NRG1: variants seen among roughly 807,000 people sequenced by gnomAD.
NRG1 encodes the protein pro-neuregulin-1, membrane-bound isoform.
NRG1 carries 18 observed loss-of-function variants against 63.8 expected under a neutral mutation model. The ratio of observed to expected loss-of-function variants is 0.28; its 90% CI spans 0.19 to 0.42. NRG1 has a LOEUF of 0.42. NRG1 is among the 10% of genes least tolerant of loss of function. The probability of loss-of-function intolerance (pLI) is 1.00; values close to 1 mark genes in which losing one functional copy is unlikely to be tolerated. For synonymous variants in NRG1, 302 were observed against 301.3 expected, an observed-to-expected ratio of 1.00 and a Z score of -0.02; for missense variants, 762 against 814.7, an observed-to-expected ratio of 0.94 and a Z score of 0.79.
chr8:32,175,474 T>G (rs1485867762), intron 1 of NRG1, among the ~76,000 whole-genome samples: 2 of 152,118 alleles, frequency 1.3e-5, no homozygotes, highest in Non-Finnish European at 2.9e-5. Flanking sequence ...GTTGGAAGTT[T>G]TGGCCAGGGC....
chr8:31,784,322 T>C (rs1454505638), intron 1 of NRG1, among the ~76,000 whole-genome samples: 1 of 152,230 alleles, frequency 6.6e-6, no homozygotes, highest in Non-Finnish European at 1.5e-5. Context: ...AACTTATTCA[T>C]ATGAGCTAAG....
chr8:31,974,197 G>A (rs780587050), intron 1 of NRG1, among the ~76,000 whole-genome samples: 15 of 152,058 alleles, frequency 9.9e-5, no homozygotes, highest in Non-Finnish European at 2.1e-4. Flanking sequence ...ACAGGGACTC[G>A]CTGTGTCACC....
intron 2 of NRG1, among the ~76,000 whole-genome samples, chr8:32,597,323 A>G (rs887190888): frequency 6.6e-6 from 1 of 152,190 alleles, no homozygotes; most frequent in African/African-American, 2.4e-5. Flanking sequence ...ATTTAATCTT[A>G]TCAAAGATTT....
At chr8:32,387,580 A>G (rs992000665) in intron 1 of NRG1, among the ~76,000 whole-genome samples, 9 of 152,154 alleles carry the variant, frequency 5.9e-5, no homozygotes, top group African/African-American at 2.2e-4. Context: ...CTTTTTAGGA[A>G]ACACCTCCCA....
chr8:31,747,665 T>C (rs915858655), intron 1 of NRG1, among the ~76,000 whole-genome samples: 2 of 151,982 alleles, frequency 1.3e-5, no homozygotes, highest in Non-Finnish European at 2.9e-5. Context: ...CACTTTGTTT[T>C]GGTGACCTTG....
At chr8:31,989,028 C>T (rs1388526076) in intron 1 of NRG1, among the ~76,000 whole-genome samples, 9 of 151,750 alleles carry the variant, frequency 5.9e-5, no homozygotes, top group African/African-American at 1.2e-4. Flanking sequence ...GTGGGCAGGT[C>T]GCCTGATGTC....
chr8:32,468,783 A>C (rs1315747990), intron 1 of NRG1, among the ~76,000 whole-genome samples: 1 of 150,814 alleles, frequency 6.6e-6, no homozygotes, highest in Non-Finnish European at 1.5e-5. Context: ...TGGGAGAGGG[A>C]CTACTAATGT....
intron 5 of NRG1, among the ~76,000 whole-genome samples, chr8:32,630,828 C>G (rs1401060036): frequency 6.6e-6 from 1 of 150,982 alleles, no homozygotes. Context: ...TTCCAACTGA[C>G]TGACGATAAT....
In NRG1 at chr8:31,989,253, C is replaced by CAAA. The variant is rs10692906; in HGVS notation, c.37+349840_37+349842dup. Reference sequence around the variant, plus strand: ...CCTGGGTGAGAGAGAGACTCTGTCTCAAAAAAAAAAAAAAAAAAAAGAACA... The same window carrying CAAA: ...CCTGGGTGAGAGAGAGACTCTGTCTCAAAAAAAAAAAAAAAAAAAAAAAGAACA... On this transcript the variant is annotated intron_variant, in intron 1 of 10. Coordinates refer to the NRG1 transcript ENST00000519301. 5.7e-4 allele frequency among the ~76,000 whole-genome samples: 27 copies of CAAA among 47,524 alleles called. 3 individuals are homozygous for CAAA. The highest frequency in any genetic ancestry group is 4.7e-3 in the Admixed American group (12 of 2,554). 31.2% of individuals were successfully genotyped at this position (47,524 alleles called of 152,430 possible).
At chr8:31,912,496 C>T (rs1833028970) in intron 1 of NRG1, among the ~76,000 whole-genome samples, 1 of 150,994 alleles carries the variant, frequency 6.6e-6, no homozygotes. Context: ...AGTAGAGTGA[C>T]CTGCCTCTGA....
At chr8:32,293,485 A>T (rs1425872344) in intron 1 of NRG1, among the ~76,000 whole-genome samples, 1 of 152,166 alleles carries the variant, frequency 6.6e-6, no homozygotes, top group African/African-American at 2.4e-5. Flanking sequence ...AGATCTAAGA[A>T]TATATTTCTG....
chr8:32,445,085 C>T (rs546036158), intron 1 of NRG1, among the ~76,000 whole-genome samples: 1 of 152,258 alleles, frequency 6.6e-6, no homozygotes, highest in South Asian at 2.1e-4. Flanking sequence ...ATAGTTGTTC[C>T]TCTGTATCCA....
intron 1 of NRG1, among the ~76,000 whole-genome samples, chr8:31,663,068 G>T (rs759169555): frequency 2.0e-5 from 3 of 152,130 alleles, no homozygotes; most frequent in Non-Finnish European, 4.4e-5. Flanking sequence ...TCACTGCGTG[G>T]ATGGAACACC....
intron 1 of NRG1, among the ~76,000 whole-genome samples, chr8:32,109,740 A>T (rs537122736): frequency 9.3e-4 from 142 of 152,228 alleles, no homozygotes; most frequent in Non-Finnish European, 6.0e-4. Context: ...GTTCCCCTCA[A>T]TTCAAGAGTA....
chr8:31,814,183 G>GCTTT, intron 1 of NRG1, among the ~76,000 whole-genome samples: 1 of 152,276 alleles, frequency 6.6e-6, no homozygotes, highest in East Asian at 1.9e-4. Context: ...ACTTGTTGAA[G>GCTTT]CTTTAGATGT....
At chr8:31,717,144 C>T (rs1354179710) in intron 1 of NRG1, among the ~76,000 whole-genome samples, 5 of 152,120 alleles carry the variant, frequency 3.3e-5, no homozygotes, top group Non-Finnish European at 7.3e-5. Flanking sequence ...CAGTGGCTTA[C>T]GCCTGTAATC....
intron 1 of NRG1, among the ~76,000 whole-genome samples, chr8:32,105,033 C>T (rs1466722885): frequency 1.3e-5 from 2 of 151,912 alleles, no homozygotes; most frequent in African/African-American, 4.8e-5. Flanking sequence ...ATATGTACTC[C>T]ATATAATTGC....
intron 1 of NRG1, among the ~76,000 whole-genome samples, chr8:31,953,784 C>T (rs115439526): frequency 0.024 from 3,604 of 152,164 alleles, 150 homozygotes; most frequent in African/African-American, 0.081. Flanking sequence ...GTGCTAAGCA[C>T]GGGGGCTTTA....
chr8:32,592,231 G>T (rs1408061828), intron 1 of NRG1, among the ~76,000 whole-genome samples: 1 of 151,868 alleles, frequency 6.6e-6, no homozygotes, highest in Non-Finnish European at 1.5e-5. Flanking sequence ...AGCAGATATT[G>T]TCTAAGAACA....
Sources: gnomAD v4.1 joint callset for allele counts (sites outside exome capture counted in the v4.1 genomes callset) on GRCh38, gnomAD v4.1.1 for gene constraint, MANE v1.5 for transcripts, NCBI Gene and HGNC (gene_info 2026-07-23, HGNC 2026-07-21) for gene names.